Variants in TENM3 observed in about 807,000 individuals in gnomAD.
The protein encoded by TENM3 is teneurin-3.
In TENM3, 63 loss-of-function variants were observed where a neutral mutation model predicts 255.1. That is an observed-to-expected ratio of 0.25 (90% CI 0.20 to 0.30). The LOEUF (loss-of-function observed/expected upper bound fraction) is 0.30. Ranked by LOEUF, TENM3 falls within the 10% of genes least tolerant of loss-of-function variation. The pLI is 1.00. For missense variants in TENM3, 2,929 were observed against 3,461.1 expected (o/e 0.85, Z 3.86); for synonymous variants, 1,306 against 1,322.3 (o/e 0.99, Z 0.27).
At chr4:182,767,211 T>G (rs774724432) in intron 22 of TENM3, among the ~76,000 whole-genome samples, 2 of 152,210 alleles carry the variant, frequency 1.3e-5, no homozygotes, top group African/African-American at 2.4e-5. Flanking sequence ...TCAGAAGACT[T>G]ACATGTAAAA....
At chr4:182,779,730 GA>G (rs1377062065) in intron 24 of TENM3, among the ~76,000 whole-genome samples, 2 of 152,092 alleles carry the variant, frequency 1.3e-5, no homozygotes, top group East Asian at 3.9e-4. Flanking sequence ...GTTGTTTCCT[GA>G]CTTTTTAATG....
intron 3 of TENM3, among the ~76,000 whole-genome samples, chr4:182,502,910 CTT>C (rs10671906): frequency 0.019 from 1,429 of 77,198 alleles, 7 homozygotes; most frequent in East Asian, 0.046. Flanking sequence ...TGAAGTCAGC[CTT>C]TTTTTTTTTT....
At chr4:181,631,677 T>C in the TENM3 span, among the ~76,000 whole-genome samples, 2 of 152,140 alleles carry the variant, frequency 1.3e-5, no homozygotes, top group African/African-American at 2.4e-5. Flanking sequence ...GTCAGCTGAC[T>C]TGGTGACCTT....
chr4:181,672,378 A>G, the TENM3 span, among the ~76,000 whole-genome samples: 4 of 152,226 alleles, frequency 2.6e-5, no homozygotes, highest in African/African-American at 9.6e-5. Context: ...CAAAAAGTAG[A>G]AAATTAACAT....
chr4:181,531,716 G>A, the TENM3 span, among the ~76,000 whole-genome samples: 2 of 152,186 alleles, frequency 1.3e-5, no homozygotes, highest in African/African-American at 4.8e-5. Flanking sequence ...AGCCCAGGAT[G>A]CTGTGGAAAT....
At chr4:182,168,299 T>A (rs1194523983) in intron 1 of TENM3, among the ~76,000 whole-genome samples, 1 of 152,078 alleles carries the variant, frequency 6.6e-6, no homozygotes, top group African/African-American at 2.4e-5. Flanking sequence ...CACGCCTGGA[T>A]AATTTTTCTA....
the TENM3 span, among the ~76,000 whole-genome samples, chr4:181,679,416 T>C: frequency 1.3e-5 from 2 of 152,176 alleles, no homozygotes; most frequent in African/African-American, 4.8e-5. Context: ...AGTAGTACAT[T>C]ATAAACCTTC....
At chr4:181,782,752 G>T in the TENM3 span, among the ~76,000 whole-genome samples, 7 of 152,082 alleles carry the variant, frequency 4.6e-5, no homozygotes, top group Non-Finnish European at 5.9e-5. Context: ...TTTCTTGCGG[G>T]TGTTTAGTGC....
chr4:181,806,463 C>T, the TENM3 span, among the ~76,000 whole-genome samples: 8 of 152,194 alleles, frequency 5.3e-5, no homozygotes, highest in Non-Finnish European at 8.8e-5. Context: ...AATTTAATTG[C>T]CGTTGTGACA....
intron 2 of TENM3, among the ~76,000 whole-genome samples, chr4:182,344,043 C>G (rs969745530): frequency 8.5e-5 from 13 of 152,154 alleles, no homozygotes; most frequent in Admixed American, 7.2e-4. Context: ...ATACACTTCT[C>G]TGTGATTATT....
At chr4:181,486,040 G>A in the TENM3 span, among the ~76,000 whole-genome samples, 2 of 151,862 alleles carry the variant, frequency 1.3e-5, no homozygotes, top group South Asian at 4.2e-4. Context: ...TGCAATATGT[G>A]TTTGAGTTTA....
At chr4:182,031,876 T>G in the TENM3 span, among the ~76,000 whole-genome samples, 1 of 152,194 alleles carries the variant, frequency 6.6e-6, no homozygotes, top group Admixed American at 6.6e-5. Context: ...TGTGTAGGAA[T>G]GCTTGGGATT....
At chr4:181,605,548 A>AAGAT in the TENM3 span, among the ~76,000 whole-genome samples, 7 of 31,954 alleles carry the variant, frequency 2.2e-4, no homozygotes, top group East Asian at 7.1e-4. Flanking sequence ...GAAAGAAAGA[A>AAGAT]AGAAAGAAAG....
chr4:182,293,036 C>T (rs1369854502), intron 1 of TENM3, among the ~76,000 whole-genome samples: 1 of 152,232 alleles, frequency 6.6e-6, no homozygotes, highest in Non-Finnish European at 1.5e-5. Flanking sequence ...TCACTGATTG[C>T]TTCCGTGTGT....
At chr4:182,381,086 C>T (rs1407220197) in intron 3 of TENM3, among the ~76,000 whole-genome samples, 2 of 152,292 alleles carry the variant, frequency 1.3e-5, no homozygotes, top group African/African-American at 4.8e-5. Context: ...GGGGTGTGCT[C>T]TGACCAGGAA....
intron 1 of TENM3, among the ~76,000 whole-genome samples, chr4:182,233,621 A>G (rs1238274456): frequency 2.0e-5 from 3 of 152,202 alleles, no homozygotes; most frequent in African/African-American, 4.8e-5. Flanking sequence ...CATATATTTC[A>G]TTTATTTTCT....
chr4:181,873,832 T>G, the TENM3 span, among the ~76,000 whole-genome samples: 4 of 152,206 alleles, frequency 2.6e-5, no homozygotes, highest in East Asian at 7.7e-4. Flanking sequence ...TCACCCAGGC[T>G]GAAGTGCAGT....
chr4:182,250,219 C>A (rs927221877), intron 1 of TENM3, among the ~76,000 whole-genome samples: 125 of 151,502 alleles, frequency 8.3e-4, no homozygotes, highest in African/African-American at 2.8e-3. Flanking sequence ...CGCCCGGCTA[C>A]TTTTTTGTAT....
At chr4:182,240,964 A>G (rs1054950140), upstream of TENM3, among the ~76,000 whole-genome samples, 1 of 152,020 alleles carries the variant, frequency 6.6e-6, no homozygotes, top group Non-Finnish European at 1.5e-5. Flanking sequence ...TTCACTCAGT[A>G]TTTCCTCCTT....
Sources: allele counts gnomAD v4.1 joint callset (sites outside exome capture counted in the v4.1 genomes callset), GRCh38; gene constraint gnomAD v4.1.1; transcripts MANE v1.5; gene names NCBI Gene and HGNC (gene_info 2026-07-23, HGNC 2026-07-21).